The following EPHB4 variants were observed in gnomAD, a reference collection of about 807,000 sequenced individuals.
EPHB4 encodes ephrin type-B receptor 4.
In EPHB4, 50 loss-of-function variants were observed where a neutral mutation model predicts 110.6. The observed-to-expected ratio is 0.45, with a 90% CI of 0.36 to 0.57. The LOEUF (loss-of-function observed/expected upper bound fraction) is 0.57, where lower values mean the gene tolerates loss of function less well. Ranked by LOEUF, EPHB4 falls within the 20% of genes least tolerant of loss-of-function variation. The pLI is 0.00. For missense variants in EPHB4, 1,128 were observed against 1,382.1 expected (o/e 0.82, Z 2.91); for synonymous variants, 592 against 578.4 (o/e 1.02, Z -0.34).
In EPHB4 at chr7:100,803,608, A is replaced by G. The variant is rs1438194639; in HGVS notation, c.2835-18T>C. 2 of 1,585,600 alleles carry G rather than the reference A, an allele frequency of 1.3e-6. No individual in the cohort carries two copies. Among genetic ancestry groups the G allele is most frequent in the Non-Finnish European group, 1.7e-6 (2 of 1,160,744 alleles). ...GCAGGTCCCTGCAGAAGGAAAGGAGAGCTTGGTGAGACCCTAGGTTCCCTG... is the reference window on the plus strand; with the variant it reads ...GCAGGTCCCTGCAGAAGGAAAGGAGGGCTTGGTGAGACCCTAGGTTCCCTG... On this transcript the variant is annotated intron_variant, in intron 16 of 16. Coordinates refer to ENST00000358173, the MANE Select transcript of EPHB4 (RefSeq NM_004444.5).
At chr7:100,805,095 T>C (rs1812786824) in intron 16 of EPHB4, 71 bp downstream of exon 16, 4 of 1,538,196 alleles carry the variant, frequency 2.6e-6, no homozygotes, top group African/African-American at 1.4e-5. Context: ...CAAAAGCCCC[T>C]GGAGACCCCG....
intron 4 of EPHB4, chr7:100,820,947 G>C (rs981300284): frequency 1.3e-5 from 2 of 151,990 alleles, no homozygotes; most frequent in Non-Finnish European, 2.9e-5. Flanking sequence ...CAACATGGTG[G>C]AAACCTGCCT....
intron 12 of EPHB4, among the ~76,000 whole-genome samples, chr7:100,810,343 A>C (rs1021977541): frequency 6.6e-6 from 1 of 152,178 alleles, no homozygotes; most frequent in African/African-American, 2.4e-5. Flanking sequence ...CCATAAGAAG[A>C]ATTTCATAAA....
intron 15 of EPHB4, 36 bp from the exon 16 acceptor site, chr7:100,805,357 A>G: frequency 1.2e-6 from 2 of 1,611,836 alleles, no homozygotes; most frequent in Non-Finnish European, 1.7e-6. Context: ...GCTGAGTACC[A>G]GGCCCAGGTC....
chr7:100,814,139 G>T, intron 8 of EPHB4, 118 bp from the exon 9 acceptor site: 1 of 1,111,032 alleles, frequency 9.0e-7, no homozygotes. Context: ...CAGGGGACAG[G>T]TGGAGGGAGA....
chr7:100,812,664 T>C (rs1812963019), intron 12 of EPHB4, 83 bp downstream of exon 12: 1 of 1,531,754 alleles, frequency 6.5e-7, no homozygotes, highest in Non-Finnish European at 8.7e-7. Context: ...GGACCCACTG[T>C]CTGTCCTGGC....
rs1251711878 is a variant in EPHB4, at chr7:100,805,171, A to G, written c.2829T>C (p.Ser943=). 1 of 1,612,640 alleles carries G rather than the reference A, an allele frequency of 6.2e-7. No homozygotes were observed. Among genetic ancestry groups the G allele is most frequent in the Non-Finnish European group, 8.5e-7 (1 of 1,179,404 alleles). ...FGSFELVSQI[S]AEDLLRIGVT... ...CAGCTCCTGCCACTGCTTACTCAGC[A>G]GAGATCTGGCTGACCAGCTCGAAGG... Residue 943 remains serine (S), a synonymous_variant, in exon 16 of 17, where the codon TCT becomes TCC. Transcript: ENST00000358173.
chr7:100,815,431 C>G (rs375732349), intron 8 of EPHB4, among the ~76,000 whole-genome samples: 37 of 152,270 alleles, frequency 2.4e-4, no homozygotes, highest in African/African-American at 8.4e-4. Flanking sequence ...AAAGACCACA[C>G]TGGAAGATTT....
chr7:100,810,588 T>C (rs1200544261), intron 12 of EPHB4, among the ~76,000 whole-genome samples: 1 of 150,598 alleles, frequency 6.6e-6, no homozygotes, highest in African/African-American at 2.4e-5. Flanking sequence ...GTAAAAAATT[T>C]AAAAATTAGC....
intron 4 of EPHB4, chr7:100,821,279 T>C (rs112210809): frequency 0.091 from 13,863 of 151,698 alleles, 696 homozygotes; most frequent in African/African-American, 0.13. Context: ...TTTGTATTTT[T>C]AGTAGAGACA....
In EPHB4 at chr7:100,822,278, C is replaced by A; in HGVS notation, c.801G>T (p.Lys267Asn). 6.4e-7 allele frequency: 1 copy of A among 1,560,858 alleles called. No individual in the cohort carries two copies. The highest frequency in any genetic ancestry group is 1.4e-5 in the African/African-American group (1 of 73,460). ...GGAAGCTCCAGCTCTCACCTCGGCA[C>A]TTGGTGTTCCCCTCAGCTGCCTCGA... ...PGFEAAEGNT[K>N]CRACAQGTFK... Residue 267 changes from lysine (K) to asparagine (N), a missense_variant, in exon 4 of 17, where the codon AAG becomes AAT. Physicochemically the swap from Lys to Asn is moderately conservative, Grantham distance 94. This residue lies in a region of EPHB4 where 728 missense variants were observed against 828.6 expected (regional missense o/e 0.88). Transcript: ENST00000358173. This position sits in a 1 kb window ranked among gnomAD's most constrained non-coding sequence, Gnocchi z 4.7.
intron 12 of EPHB4, among the ~76,000 whole-genome samples, chr7:100,808,896 G>C (rs1812871638): frequency 6.6e-6 from 1 of 152,048 alleles, no homozygotes; most frequent in Non-Finnish European, 1.5e-5. Context: ...AGATGGTCAG[G>C]GTATAGACCT....
At chr7:100,815,484 C>T (rs943499868) in intron 8 of EPHB4, among the ~76,000 whole-genome samples, 2 of 152,164 alleles carry the variant, frequency 1.3e-5, no homozygotes, top group Non-Finnish European at 2.9e-5. Context: ...ACTAAGGCAA[C>T]AGAAAGATCT....
chr7:100,823,539 C>A lies in EPHB4; in HGVS notation c.411+105G>T, dbSNP rs1416219015. ...AGCCTCCTGCTTCCAGCCCCCAGCG[C>A]GCGGGCCAGAGGCCTCGCAACTACA... On this transcript the variant is annotated intron_variant, in intron 3 of 16. Coordinates refer to ENST00000358173, the MANE Select transcript of EPHB4 (RefSeq NM_004444.5). 1.8e-5 allele frequency: 26 copies of A among 1,417,128 alleles called. No homozygotes were observed. In the East Asian group the frequency reaches 3.8e-4, roughly 21 times the overall value. The allele number at this position is 1,417,128 out of a possible 1,614,324, so 87.8% of individuals were successfully genotyped here.
intron 14 of EPHB4, 37 bp downstream of exon 14, chr7:100,806,383 A>C: frequency 1.3e-6 from 2 of 1,584,126 alleles, no homozygotes; most frequent in Non-Finnish European, 1.7e-6. Context: ...GTGAGAGAAC[A>C]CTCGAGGAAA....
intron 13 of EPHB4, among the ~76,000 whole-genome samples, chr7:100,806,829 C>G (rs1388639843): frequency 6.6e-6 from 1 of 152,130 alleles, no homozygotes; most frequent in Non-Finnish European, 1.5e-5. Flanking sequence ...TACCACCACC[C>G]TCAGCTAATT....
intron 3 of EPHB4, 72 bp downstream of exon 3, chr7:100,823,572 C>T: frequency 6.4e-7 from 1 of 1,556,206 alleles, no homozygotes; most frequent in Middle Eastern, 1.9e-4. Context: ...ACATCGGCTG[C>T]CCTCCAGGCC....
At chr7:100,804,443 T>C (rs1477316236) in intron 16 of EPHB4, among the ~76,000 whole-genome samples, 1 of 150,694 alleles carries the variant, frequency 6.6e-6, no homozygotes, top group Non-Finnish European at 1.5e-5. Flanking sequence ...GCCTCCTCAG[T>C]AGCTGGTATT....
intron 12 of EPHB4, among the ~76,000 whole-genome samples, chr7:100,812,276 T>C (rs913916829): frequency 1.3e-5 from 2 of 151,610 alleles, no homozygotes; most frequent in Admixed American, 1.3e-4. Context: ...GAGCCCAGCC[T>C]TTCCCAGAGG....
Sources: gnomAD v4.1 joint callset for allele counts (sites outside exome capture counted in the v4.1 genomes callset) on GRCh38, gnomAD v4.1.1 for gene constraint, gnomAD v4.1.1 regional missense constraint, Gnocchi (gnomAD v3.1) non-coding constraint, MANE v1.5 for transcripts, NCBI Gene and HGNC (gene_info 2026-07-23, HGNC 2026-07-21) for gene names.